Variants in MTCL1 observed in about 807,000 individuals in gnomAD.
MTCL1 encodes the protein microtubule cross-linking factor 1.
In MTCL1, 79 loss-of-function variants were observed where a neutral mutation model predicts 141.4. The observed-to-expected ratio is 0.56, with a 90% CI of 0.47 to 0.67. The LOEUF is 0.67. MTCL1 is among the 30% of genes least tolerant of loss of function. MTCL1 has a pLI of 0.00. For missense variants in MTCL1, 2,177 were observed against 2,113.9 expected (o/e 1.03, Z -0.59); for synonymous variants, 914 against 875.8 (o/e 1.04, Z -0.77).
exon 17 of MTCL1, chr18:8,832,664 C>G (rs1469303500): frequency 6.6e-6 from 1 of 152,148 alleles, no homozygotes; most frequent in African/African-American, 2.4e-5. Flanking sequence ...TCAAAGTTTT[C>G]TTAAGGGAAA....
intron 4 of MTCL1, among the ~76,000 whole-genome samples, chr18:8,723,320 A>G (rs76366626): frequency 0.012 from 1,802 of 152,330 alleles, 28 homozygotes; most frequent in African/African-American, 0.036. Context: ...TTCTTTTTGC[A>G]AAAGCCAGTA....
intron 6 of MTCL1, among the ~76,000 whole-genome samples, chr18:8,785,183 C>G (rs1183679554): frequency 6.6e-6 from 1 of 152,156 alleles, no homozygotes; most frequent in Non-Finnish European, 1.5e-5. Context: ...TTGCTCCTCT[C>G]TTGGTATCTC....
chr18:8,743,478 T>C (rs978545422), intron 4 of MTCL1, among the ~76,000 whole-genome samples: 1 of 152,228 alleles, frequency 6.6e-6, no homozygotes, highest in Non-Finnish European at 1.5e-5. Flanking sequence ...ACAAATTTAT[T>C]GTCTCATAGT....
intron 7 of MTCL1, chr18:8,789,452 G>T (rs2075641823): frequency 2.0e-6 from 2 of 985,486 alleles, no homozygotes; most frequent in Non-Finnish European, 2.4e-6. Flanking sequence ...TTGTGTTTGA[G>T]ATTGTGAAGT....
At chr18:8,809,581 A>G (rs2076411350) in intron 11 of MTCL1, 2 of 1,535,856 alleles carry the variant, frequency 1.3e-6, no homozygotes, top group Non-Finnish European at 1.7e-6. Context: ...GTGACTCTGA[A>G]GTAAAGCAGC....
At chr18:8,715,822 C>G (rs1311047149), upstream of MTCL1, among the ~76,000 whole-genome samples, 1 of 152,200 alleles carries the variant, frequency 6.6e-6, no homozygotes, top group East Asian at 1.9e-4. Context: ...CATAGGGCGT[C>G]TTCAAAGCCT....
intron 4 of MTCL1, among the ~76,000 whole-genome samples, chr18:8,737,643 C>T (rs1017141817): frequency 2.0e-5 from 3 of 152,218 alleles, no homozygotes; most frequent in South Asian, 2.1e-4. Context: ...AGGACTGAGA[C>T]GATGACTGAG....
At chr18:8,735,737 G>A (rs1598433369) in intron 4 of MTCL1, among the ~76,000 whole-genome samples, 1 of 152,250 alleles carries the variant, frequency 6.6e-6, no homozygotes, top group South Asian at 2.1e-4. Context: ...CACGGGCTGA[G>A]TGTTTCCCGA....
chr18:8,722,600 A>G (rs2096180729), intron 4 of MTCL1, among the ~76,000 whole-genome samples: 1 of 152,216 alleles, frequency 6.6e-6, no homozygotes, highest in South Asian at 2.1e-4. Context: ...AAGAGAAAAT[A>G]TATTTACTAT....
intron 1 of MTCL1, among the ~76,000 whole-genome samples, chr18:8,709,491 G>T (rs147423884): frequency 3.3e-5 from 5 of 152,106 alleles, no homozygotes; most frequent in Non-Finnish European, 7.4e-5. Flanking sequence ...TCTGTGCCTC[G>T]TGGGGTACTT....
At chr18:8,737,390 G>A (rs1022096380) in intron 4 of MTCL1, among the ~76,000 whole-genome samples, 9 of 152,158 alleles carry the variant, frequency 5.9e-5, no homozygotes, top group Non-Finnish European at 8.8e-5. Context: ...ATCTCACTTC[G>A]TACCTGTATT....
chr18:8,783,465 C>A, intron 5 of MTCL1, 65 bp from the exon 5 acceptor site: 1 of 1,425,780 alleles, frequency 7.0e-7, no homozygotes, highest in Non-Finnish European at 9.4e-7. Context: ...TGAGGGGAAT[C>A]ATGAAAAACA....
intron 16 of MTCL1, chr18:8,829,604 G>A: frequency 1.0e-6 from 1 of 985,390 alleles, no homozygotes; most frequent in Non-Finnish European, 1.2e-6. Flanking sequence ...CAAAGCACAT[G>A]AGAAAAGATA....
At chr18:8,796,251 A>T (rs1386310189) in exon 9 of MTCL1, 2 of 1,614,006 alleles carry the variant, frequency 1.2e-6, no homozygotes, top group African/African-American at 2.7e-5. Flanking sequence ...GAGCACCTCT[A>T]TGCCTTGAGG....
At chr18:8,785,445 G>T (rs762915422) in intron 6 of MTCL1, among the ~76,000 whole-genome samples, 4 of 152,086 alleles carry the variant, frequency 2.6e-5, no homozygotes, top group Non-Finnish European at 5.9e-5. Flanking sequence ...CCGCCCTGCC[G>T]CCGCTGGGGA....
chr18:8,831,648 C>T, exon 17 of MTCL1: 1 of 1,550,586 alleles, frequency 6.4e-7, no homozygotes, highest in Non-Finnish European at 8.7e-7. Context: ...TAGAGCCCTG[C>T]TTCTCCAGGC....
chr18:8,821,624 A>C, intron 14 of MTCL1, 126 bp downstream of exon 13: 1 of 521,808 alleles, frequency 1.9e-6, no homozygotes, highest in Non-Finnish European at 3.5e-6. Flanking sequence ...GCCACTTCTG[A>C]AGAAGTGGCT....
chr18:8,772,916 TAAAATAATA>T (rs1319128447), intron 4 of MTCL1, among the ~76,000 whole-genome samples: 1 of 151,968 alleles, frequency 6.6e-6, no homozygotes, highest in Non-Finnish European at 1.5e-5. Context: ...TAACCCTAAA[TAAAATAATA>T]AAAATAATAA....
At chr18:8,759,810 A>G (rs1454615252) in intron 4 of MTCL1, among the ~76,000 whole-genome samples, 2 of 152,172 alleles carry the variant, frequency 1.3e-5, no homozygotes, top group African/African-American at 4.8e-5. Flanking sequence ...GGGGGGTCCC[A>G]GAGCTTGAAG....
Sources: gnomAD v4.1 joint callset for allele counts (sites outside exome capture counted in the v4.1 genomes callset) on GRCh38, gnomAD v4.1.1 for gene constraint, MANE v1.5 for transcripts, NCBI Gene and HGNC (gene_info 2026-07-23, HGNC 2026-07-21) for gene names.